Variants in LRRIQ3 observed in about 807,000 individuals in gnomAD.
LRRIQ3 encodes the protein leucine rich repeats and IQ motif containing 3, also known as leucine-rich repeat and IQ domain-containing protein 3.
LRRIQ3 carries 75 observed loss-of-function variants against 59.3 expected under a neutral mutation model. That is an observed-to-expected ratio of 1.26 (90% CI 1.05 to 1.53). The LOEUF (loss-of-function observed/expected upper bound fraction) is 1.53, where lower values mean the gene tolerates loss of function less well. Among genes scored for constraint, LRRIQ3 ranks in the 40% most tolerant of loss-of-function variants. The pLI, the probability that LRRIQ3 is intolerant of heterozygous loss-of-function variation, is 0.00. For synonymous variants in LRRIQ3, 250 were observed against 231.3 expected (o/e 1.08, Z -0.73); for missense variants, 831 against 710.0 (o/e 1.17, Z -1.94).
At chr1:74,155,502 T>A (rs1421347885) in intron 4 of LRRIQ3, among the ~76,000 whole-genome samples, 1 of 152,180 alleles carries the variant, frequency 6.6e-6, no homozygotes, top group Non-Finnish European at 1.5e-5. Flanking sequence ...GGCTTACATT[T>A]GTATTTATAT....
intron 5 of LRRIQ3, among the ~76,000 whole-genome samples, chr1:74,103,252 TC>T (rs1646559878): frequency 6.6e-6 from 1 of 151,944 alleles, no homozygotes; most frequent in Non-Finnish European, 1.5e-5. Flanking sequence ...TTCTAGCTCT[TC>T]CCCATCCCCT....
chr1:74,112,511 A>G (rs2100568213), intron 4 of LRRIQ3, among the ~76,000 whole-genome samples: 1 of 152,288 alleles, frequency 6.6e-6, no homozygotes, highest in South Asian at 2.1e-4. Context: ...AGGGGCCCCA[A>G]CATAAAATGA....
At chr1:74,153,008 A>G (rs1648085900) in intron 4 of LRRIQ3, among the ~76,000 whole-genome samples, 2 of 152,214 alleles carry the variant, frequency 1.3e-5, no homozygotes, top group African/African-American at 4.8e-5. Flanking sequence ...GCTCTGTTTT[A>G]TTAAATAATA....
At chr1:74,133,691 T>C (rs1220999013) in intron 4 of LRRIQ3, among the ~76,000 whole-genome samples, 2 of 122,588 alleles carry the variant, frequency 1.6e-5, no homozygotes, top group Non-Finnish European at 3.2e-5. Context: ...AAAGGGAACA[T>C]CACGTACTGG....
At chr1:74,042,275 A>G (rs899877720) in intron 6 of LRRIQ3, among the ~76,000 whole-genome samples, 6 of 152,148 alleles carry the variant, frequency 3.9e-5, no homozygotes, top group Admixed American at 3.3e-4. Context: ...TAAAAGAAAC[A>G]AAGTTTAATT....
rs1398092571 is a variant in LRRIQ3 at position 74,111,946 on chromosome 1, G to GA, written c.708-2394dup. Among the ~76,000 whole-genome samples the GA allele has an allele frequency of 4.6e-5, 7 of 152,206 alleles. No homozygotes were observed. In the South Asian group the frequency reaches 1.4e-3, roughly 32 times the overall value. ...GATATTATGTCAGGAAAGAATAGTT[G>GA]AGAGGTCTGGGGCTTTCTTCATCCC... On this transcript the variant is annotated intron_variant, in intron 4 of 7. Coordinates refer to ENST00000354431, the MANE Select transcript of LRRIQ3 (RefSeq NM_001105659.2).
intron 6 of LRRIQ3, among the ~76,000 whole-genome samples, chr1:74,063,968 T>G (rs757685728): frequency 4.0e-5 from 6 of 151,882 alleles, no homozygotes; most frequent in Admixed American, 6.6e-5. Context: ...TTGAGCCATA[T>G]TCTCAGGGGT....
intron 3 of LRRIQ3, among the ~76,000 whole-genome samples, chr1:74,175,411 C>G (rs766222881): frequency 6.6e-6 from 1 of 152,014 alleles, no homozygotes; most frequent in Non-Finnish European, 1.5e-5. Flanking sequence ...CTGACTGAGG[C>G]AAGATAGAAG....
At chr1:74,092,733 C>T (rs1339838826) in intron 5 of LRRIQ3, among the ~76,000 whole-genome samples, 1 of 152,008 alleles carries the variant, frequency 6.6e-6, no homozygotes, top group African/African-American at 2.4e-5. Flanking sequence ...TCTTTGAAGT[C>T]TGCAAGTTAA....
At chr1:74,040,657 A>G (rs990343017) in intron 7 of LRRIQ3, among the ~76,000 whole-genome samples, 15 of 152,198 alleles carry the variant, frequency 9.9e-5, no homozygotes, top group Non-Finnish European at 1.8e-4. Flanking sequence ...CCACACAATT[A>G]CATGGAAATT....
intron 7 of LRRIQ3, among the ~76,000 whole-genome samples, chr1:74,030,776 T>C (rs1432134399): frequency 6.6e-6 from 1 of 152,074 alleles, no homozygotes; most frequent in African/African-American, 2.4e-5. Context: ...CTAATTAAAC[T>C]AAAGAGCTTC....
chr1:74,118,817 T>G (rs963732488), intron 4 of LRRIQ3, among the ~76,000 whole-genome samples: 1 of 152,112 alleles, frequency 6.6e-6, no homozygotes, highest in Non-Finnish European at 1.5e-5. Context: ...GCAATCTCAA[T>G]TCCAACTCTG....
intron 4 of LRRIQ3, among the ~76,000 whole-genome samples, chr1:74,134,889 C>G (rs1182204031): frequency 6.6e-6 from 1 of 151,714 alleles, no homozygotes; most frequent in Admixed American, 6.6e-5. Context: ...GGATGTAAGT[C>G]CAGCTATATA....
At chr1:74,178,266 T>C (rs1458508590) in intron 3 of LRRIQ3, among the ~76,000 whole-genome samples, 1 of 152,012 alleles carries the variant, frequency 6.6e-6, no homozygotes, top group Non-Finnish European at 1.5e-5. Flanking sequence ...TACATTTACA[T>C]TCAGGTAACA....
At chr1:74,027,391 A>T (rs1653548538) in intron 7 of LRRIQ3, among the ~76,000 whole-genome samples, 1 of 152,120 alleles carries the variant, frequency 6.6e-6, no homozygotes, top group African/African-American at 2.4e-5. Context: ...AGAAGTAGTT[A>T]AGGCTAAATG....
Position 74,026,563 on chromosome 1 carries a change from A to T in LRRIQ3, c.*250T>A, listed in dbSNP as rs1653521784. 1 of 314,968 alleles carries T rather than the reference A, an allele frequency of 3.2e-6. No individual in the cohort carries two copies. The highest frequency in any genetic ancestry group is 9.5e-4 in the Middle Eastern group (1 of 1,048). 19.5% of individuals were successfully genotyped at this position (314,968 alleles called of 1,614,324 possible). On this transcript the variant is annotated 3_prime_UTR_variant, in exon 8 of 8. Transcript: ENST00000354431. ...GTCATTGCAACATTGTCTGCAATAC[A>T]TTAAATCAGTTTAATTGTTCCTTAG...
At chr1:74,182,271 A>C (rs1323735735) in intron 3 of LRRIQ3, 2 of 192,802 alleles carry the variant, frequency 1.0e-5, no homozygotes, top group Non-Finnish European at 2.1e-5. Flanking sequence ...AATTCTGAAT[A>C]AATTAGAGAT....
intron 5 of LRRIQ3, among the ~76,000 whole-genome samples, chr1:74,102,710 T>C (rs976786353): frequency 8.6e-5 from 13 of 151,956 alleles, no homozygotes; most frequent in African/African-American, 2.9e-4. Context: ...CTAGGATGCA[T>C]TGTGTCATTT....
intron 4 of LRRIQ3, among the ~76,000 whole-genome samples, chr1:74,139,105 T>TAC (rs1334219600): frequency 1.9e-4 from 25 of 134,878 alleles, no homozygotes; most frequent in South Asian, 7.7e-4. Context: ...TATATATATA[T>TAC]ACATATATGT....
Sources: gnomAD v4.1 joint callset for allele counts (sites outside exome capture counted in the v4.1 genomes callset) on GRCh38, gnomAD v4.1.1 for gene constraint, MANE v1.5 for transcripts, NCBI Gene and HGNC (gene_info 2026-07-23, HGNC 2026-07-21) for gene names.